Variants in GRM1 observed in about 807,000 individuals in gnomAD.
The protein encoded by GRM1 is metabotropic glutamate receptor 1.
Under a neutral mutation model 90.9 loss-of-function variants are expected in GRM1, and 33 were observed. The ratio of observed to expected loss-of-function variants is 0.36; its 90% CI spans 0.28 to 0.49. GRM1 has a LOEUF of 0.49. Among genes scored for constraint, GRM1 ranks in the 20% least tolerant of loss-of-function variants. The pLI is 0.99. For missense variants in GRM1, 1,190 were observed against 1,534.3 expected (o/e 0.78, Z 3.75); for synonymous variants, 700 against 613.2 (o/e 1.14, Z -2.09).
chr6:146,316,359 C>T (rs1471820414), intron 3 of GRM1, among the ~76,000 whole-genome samples: 1 of 152,220 alleles, frequency 6.6e-6, no homozygotes, highest in Non-Finnish European at 1.5e-5. Flanking sequence ...GATAATCTCT[C>T]CATCTCAAGG....
rs557055308 is a variant in GRM1 at position 146,309,033 on chromosome 6, T to C, written c.1186+4187T>C. ...AAAAAATTTTCATTCTAAACTTTCT[T>C]TTTTTACATTTGGATAATTTTCTTA... is the stretch of plus-strand genomic sequence containing the variant. On this transcript the variant is annotated intron_variant, in intron 3 of 7. Coordinates refer to ENST00000282753, the MANE Select transcript of GRM1 (RefSeq NM_001278064.2). Among the ~76,000 whole-genome samples, 60 of 152,276 alleles carry C rather than the reference T, an allele frequency of 3.9e-4. 1 individual carries two copies. The highest frequency in any genetic ancestry group is 1.4e-3 in the African/African-American group (57 of 41,562).
intron 3 of GRM1, among the ~76,000 whole-genome samples, chr6:146,310,718 AT>A (rs1249407954): frequency 6.6e-6 from 1 of 152,154 alleles, no homozygotes; most frequent in Non-Finnish European, 1.5e-5. Context: ...AGCCATATGA[AT>A]AAGCTTGAAT....
At chr6:146,383,986 T>G (rs1245119746) in intron 5 of GRM1, among the ~76,000 whole-genome samples, 2 of 152,028 alleles carry the variant, frequency 1.3e-5, no homozygotes. Flanking sequence ...ACAAACAAGG[T>G]GAACCCTAAA....
chr6:146,161,254 T>C (rs1288521740), intron 2 of GRM1, among the ~76,000 whole-genome samples: 6 of 152,128 alleles, frequency 3.9e-5, no homozygotes, highest in Admixed American at 3.9e-4. Context: ...TCTGGAGATA[T>C]TGAAAAGATG....
intron 1 of GRM1, among the ~76,000 whole-genome samples, chr6:146,085,860 T>C (rs567564596): frequency 1.3e-5 from 2 of 152,256 alleles, no homozygotes; most frequent in South Asian, 4.1e-4. Context: ...ACTTGAGTTT[T>C]TTTGGATAAC....
At chr6:146,099,362 C>A (rs9485044) in intron 1 of GRM1, among the ~76,000 whole-genome samples, 5 of 152,102 alleles carry the variant, frequency 3.3e-5, no homozygotes, top group African/African-American at 1.2e-4. Context: ...GGGAACAGAG[C>A]GAGACCCTGT....
intron 5 of GRM1, among the ~76,000 whole-genome samples, chr6:146,376,819 T>C (rs1776116016): frequency 6.6e-6 from 1 of 152,114 alleles, no homozygotes; most frequent in Non-Finnish European, 1.5e-5. Flanking sequence ...CACACCCAAA[T>C]GTCAAATCGT....
intron 7 of GRM1, among the ~76,000 whole-genome samples, chr6:146,411,710 A>G (rs78581772): frequency 0.013 from 1,941 of 152,332 alleles, 47 homozygotes; most frequent in African/African-American, 0.045. Flanking sequence ...GTGAACAAAG[A>G]GAAATACTTA....
intron 1 of GRM1, among the ~76,000 whole-genome samples, chr6:146,119,752 G>A (rs1005836150): frequency 6.6e-6 from 1 of 152,138 alleles, no homozygotes; most frequent in African/African-American, 2.4e-5. Flanking sequence ...GATGGTTGTA[G>A]ATATGCGGCA....
intron 4 of GRM1, among the ~76,000 whole-genome samples, chr6:146,353,196 A>C (rs1785467601): frequency 6.6e-6 from 1 of 152,194 alleles, no homozygotes; most frequent in African/African-American, 2.4e-5. Flanking sequence ...GGTACATAGG[A>C]AATTTTGTTA....
At chr6:146,222,572 G>A (rs929465688) in intron 2 of GRM1, among the ~76,000 whole-genome samples, 7 of 152,062 alleles carry the variant, frequency 4.6e-5, no homozygotes, top group African/African-American at 1.7e-4. Flanking sequence ...GACAGAGAGA[G>A]AGAGAATTTT....
chr6:146,369,003 A>AAATC (rs1775801615), intron 5 of GRM1, among the ~76,000 whole-genome samples: 1 of 151,918 alleles, frequency 6.6e-6, no homozygotes, highest in African/African-American at 2.4e-5. Context: ...AGAGATTTTT[A>AAATC]TTACTGATTC....
intron 1 of GRM1, among the ~76,000 whole-genome samples, chr6:146,152,202 T>C (rs1477824530): frequency 2.6e-5 from 4 of 152,112 alleles, no homozygotes; most frequent in Non-Finnish European, 4.4e-5. Context: ...ATTCTGTAAA[T>C]CATGAACCTT....
intron 4 of GRM1, among the ~76,000 whole-genome samples, chr6:146,353,650 G>A (rs1785480720): frequency 6.6e-6 from 1 of 152,146 alleles, no homozygotes; most frequent in African/African-American, 2.4e-5. Flanking sequence ...CGGTTTTTGA[G>A]AAAGAGTCTC....
intron 2 of GRM1, among the ~76,000 whole-genome samples, chr6:146,269,483 T>C (rs1782034052): frequency 6.6e-6 from 1 of 152,188 alleles, no homozygotes; most frequent in Admixed American, 6.5e-5. Flanking sequence ...GGATTTTGGC[T>C]GGTTGTTTCA....
chr6:146,368,238 A>G (rs1413991492), intron 5 of GRM1, among the ~76,000 whole-genome samples: 1 of 115,614 alleles, frequency 8.6e-6, no homozygotes, highest in Non-Finnish European at 1.7e-5. Flanking sequence ...GAATTCATTT[A>G]TCATTTTCTA....
At chr6:146,078,649 G>T (rs764376332) in intron 1 of GRM1, among the ~76,000 whole-genome samples, 79 of 152,216 alleles carry the variant, frequency 5.2e-4, no homozygotes, top group Non-Finnish European at 7.6e-4. Context: ...GGGTAAAATT[G>T]TTCTATTATT....
chr6:146,159,500 A>G lies in GRM1; in HGVS notation c.853A>G (p.Arg285Gly). Residue 285 changes from arginine (R) to glycine (G), a missense_variant, in exon 2 of 8, where the codon AGA becomes GGA. Arg to Gly is a moderately radical substitution (Grantham distance 125, BLOSUM62 -2). Coordinates refer to ENST00000282753, the MANE Select transcript of GRM1 (RefSeq NM_001278064.2). ...ACTCCGAGAGAGGCTTCCCAAGGCTAGAGTGGTGGTCTGCTTCTGTGAAGG... is the reference window on the plus strand; with the variant it reads ...ACTCCGAGAGAGGCTTCCCAAGGCTGGAGTGGTGGTCTGCTTCTGTGAAGG... ...RKLRERLPKA[R>G]VVVCFCEGMT... 1.9e-6 allele frequency: 3 copies of G among 1,614,172 alleles called. No individual in the cohort carries two copies. Among genetic ancestry groups the G allele is most frequent in the Non-Finnish European group, 2.5e-6 (3 of 1,179,998 alleles).
At chr6:146,376,090 A>G (rs913832135) in intron 5 of GRM1, among the ~76,000 whole-genome samples, 7 of 152,022 alleles carry the variant, frequency 4.6e-5, no homozygotes, top group African/African-American at 1.7e-4. Context: ...ATACTATCTT[A>G]TAACCTATTG....
Sources: allele counts gnomAD v4.1 joint callset (sites outside exome capture counted in the v4.1 genomes callset), GRCh38; gene constraint gnomAD v4.1.1; transcripts MANE v1.5; gene names NCBI Gene and HGNC (gene_info 2026-07-23, HGNC 2026-07-21).